PIP4K2B: variants seen among roughly 807,000 people sequenced by gnomAD.
The protein encoded by PIP4K2B is phosphatidylinositol-5-phosphate 4-kinase type 2 beta.
Under a neutral mutation model 42.0 loss-of-function variants are expected in PIP4K2B, and 3 were observed. The ratio of observed to expected loss-of-function variants is 0.07; its 90% confidence interval spans 0.03 to 0.18. PIP4K2B has a LOEUF of 0.18. PIP4K2B is among the 10% of genes least tolerant of loss of function. PIP4K2B has a pLI of 1.00. For synonymous variants in PIP4K2B, 204 were observed against 210.1 expected (o/e 0.97, Z 0.25); for missense variants, 332 against 562.3 (o/e 0.59, Z 4.14).
chr17:38,788,476 A>T (rs1026462405), intron 1 of PIP4K2B, among the ~76,000 whole-genome samples: 4 of 152,154 alleles, frequency 2.6e-5, no homozygotes, highest in African/African-American at 9.6e-5. Flanking sequence ...CTGGGATTAC[A>T]GGCATGAGCC....
In PIP4K2B at chr17:38,767,747, T is replaced by G. The variant is rs940749381; in HGVS notation, c.*1944A>C. On this transcript the variant is annotated 3_prime_UTR_variant, in exon 10 of 10. Coordinates refer to ENST00000619039, the MANE Select transcript of PIP4K2B (RefSeq NM_003559.5). ...GACGAGGAGCAGATCCAAACTTCCA[T>G]TCTTCATTATGACGTGGGGAAATCA... The G allele has an allele frequency of 6.6e-6, 1 of 152,240 alleles. No individual in the cohort carries two copies. Among genetic ancestry groups the G allele is most frequent in the African/African-American group, 2.4e-5 (1 of 41,458 alleles). The allele number at this position is 152,240 out of a possible 1,614,324, so 9.4% of individuals were successfully genotyped here. A position where few individuals can be genotyped will look rare whatever the true frequency, so the allele number is the denominator to read the frequency against.
chr17:38,784,464 G>A (rs1241252300), intron 2 of PIP4K2B, 125 bp from the exon 3 acceptor site: 5 of 576,240 alleles, frequency 8.7e-6, no homozygotes, highest in Middle Eastern at 4.7e-4. Context: ...TTGAACTCCT[G>A]GCTTCAAGCG....
chr17:38,787,760 A>AT (rs1175015354), intron 1 of PIP4K2B, among the ~76,000 whole-genome samples: 1 of 151,162 alleles, frequency 6.6e-6, no homozygotes. Flanking sequence ...TGTCCAGCTA[A>AT]TTTTTTTTTG....
In PIP4K2B at chr17:38,766,923, C is replaced by T. The variant is rs1908735670; in HGVS notation, c.*2768G>A. The T allele has an allele frequency of 6.6e-6, 1 of 152,490 alleles. No individual in the cohort carries two copies. The highest frequency in any genetic ancestry group is 6.5e-5 in the Admixed American group (1 of 15,294). The allele number at this position is 152,490 out of a possible 1,614,324, so 9.4% of individuals were successfully genotyped here. A position where few individuals can be genotyped will look rare whatever the true frequency, so the allele number is the denominator to read the frequency against. ...TGGCTGGGAGACTACAGTGTCTCGG[C>T]TGCGGACTTGTGGAAGAAGAGGGGG... On this transcript the variant is annotated 3_prime_UTR_variant, in exon 10 of 10. Transcript: ENST00000619039.
intron 1 of PIP4K2B, among the ~76,000 whole-genome samples, chr17:38,787,189 C>A (rs932542109): frequency 1.3e-5 from 2 of 152,190 alleles, no homozygotes; most frequent in Non-Finnish European, 2.9e-5. Flanking sequence ...GTGCACATCA[C>A]CACGCCCAGC....
Position 38,769,594 on chromosome 17 carries a change from C to A in PIP4K2B, c.*97G>T. The stretch of plus-strand genomic sequence containing the variant: ...AAGCCCTCCCAAACCCGACTCTGCT[C>A]CCACCCTCCCATCTAGCCCAAATAC... On this transcript the variant is annotated 3_prime_UTR_variant, in exon 10 of 10. Transcript: ENST00000619039. 2.5e-6 allele frequency: 2 copies of A among 784,804 alleles called. No homozygotes were observed. The highest frequency in any genetic ancestry group is 2.3e-6 in the Non-Finnish European group (1 of 428,304). 48.6% of individuals were successfully genotyped at this position (784,804 alleles called of 1,614,324 possible). A position where few individuals can be genotyped will look rare whatever the true frequency, so the allele number is the denominator to read the frequency against.
chr17:38,767,324 A>T lies in PIP4K2B; in HGVS notation c.*2367T>A, dbSNP rs1908755932. ...AAACCAAGATAAATAGCTTTTAAACATTTGAATGCCAAAAATTGGGGGCCA... is the reference window on the plus strand; with the variant it reads ...AAACCAAGATAAATAGCTTTTAAACTTTTGAATGCCAAAAATTGGGGGCCA... On this transcript the variant is annotated 3_prime_UTR_variant, in exon 10 of 10. Transcript: ENST00000619039. The T allele has an allele frequency of 6.6e-6, 1 of 152,192 alleles. No homozygotes were observed. Among genetic ancestry groups the T allele is most frequent in the Non-Finnish European group, 1.5e-5 (1 of 68,042 alleles). The allele number at this position is 152,192 out of a possible 1,614,324, so 9.4% of individuals were successfully genotyped here.
chr17:38,766,092 G>A lies in PIP4K2B; in HGVS notation c.*3599C>T, dbSNP rs906455523. On this transcript the variant is annotated 3_prime_UTR_variant, in exon 10 of 10. Transcript: ENST00000619039. ...TGGGATACTGGCACAAGCTGCCAAG[G>A]GACAGCTGAGTCTCCTTTTCCCCAT... is the stretch of plus-strand genomic sequence containing the variant. The A allele has an allele frequency of 2.6e-5, 4 of 152,466 alleles. No individual in the cohort carries two copies. The highest frequency in any genetic ancestry group is 9.6e-5 in the African/African-American group (4 of 41,464). The allele number at this position is 152,466 out of a possible 1,614,324, so 9.4% of individuals were successfully genotyped here. A position where few individuals can be genotyped will look rare whatever the true frequency, so the allele number is the denominator to read the frequency against.
intron 2 of PIP4K2B, 57 bp from the exon 3 acceptor site, chr17:38,784,396 T>C (rs1726669708): frequency 2.3e-6 from 2 of 865,772 alleles, no homozygotes; most frequent in Non-Finnish European, 3.7e-6. Context: ...CTTAATTCTA[T>C]TATTATTATT....
intron 7 of PIP4K2B, among the ~76,000 whole-genome samples, chr17:38,776,316 G>C (rs755477461): frequency 6.6e-6 from 1 of 152,144 alleles, no homozygotes; most frequent in Non-Finnish European, 1.5e-5. Context: ...AACTTCATAG[G>C]GGCAGAAAAT....
At chr17:38,776,255 C>A (rs1909337076) in intron 7 of PIP4K2B, among the ~76,000 whole-genome samples, 1 of 152,128 alleles carries the variant, frequency 6.6e-6, no homozygotes, top group African/African-American at 2.4e-5. Flanking sequence ...CAGGCATGAG[C>A]CACCTCGCTT....
chr17:38,796,042 G>A lies in PIP4K2B; in HGVS notation c.159+3224C>T, dbSNP rs143241941. Among the ~76,000 whole-genome samples the A allele has an allele frequency of 9.3e-4, 142 of 152,264 alleles. 1 individual carries two copies. Among genetic ancestry groups the A allele is most frequent in the Admixed American group, 3.8e-3 (58 of 15,284 alleles). On this transcript the variant is annotated intron_variant, in intron 1 of 9. Transcript: ENST00000619039. ...AATCCCAGCTACTGAGGAGGCTGAA[G>A]CAGGAGAATTGCTTGAACCCGGGAG...
intron 6 of PIP4K2B, among the ~76,000 whole-genome samples, chr17:38,778,084 G>A (rs1909469264): frequency 6.6e-6 from 1 of 152,196 alleles, no homozygotes; most frequent in African/African-American, 2.4e-5. Context: ...GCTGGACTAT[G>A]AGATAGAAAT....
intron 2 of PIP4K2B, among the ~76,000 whole-genome samples, chr17:38,786,493 G>C (rs188180115): frequency 8.9e-4 from 136 of 152,220 alleles, no homozygotes; most frequent in Admixed American, 3.6e-3. Context: ...ACCAAGATGG[G>C]GCCACTGCTA....
chr17:38,775,213 A>C (rs946744610), intron 7 of PIP4K2B, among the ~76,000 whole-genome samples: 13 of 152,100 alleles, frequency 8.5e-5, no homozygotes, highest in Non-Finnish European at 1.5e-4. Flanking sequence ...TTGGCCTCCC[A>C]AAGTGCTGGG....
chr17:38,799,429 G>A lies in PIP4K2B; in HGVS notation c.-5C>T. On this transcript the variant is annotated 5_prime_UTR_variant, in exon 1 of 10. Coordinates refer to ENST00000619039, the MANE Select transcript of PIP4K2B (RefSeq NM_003559.5). The surrounding 1 kb of genome is among the most constrained non-coding windows in gnomAD (Gnocchi z 4.4). ...GCTGGTGCAGTTGGACGACATGCCCGGGGCGGCGGCGGCGGCGGCGAAAGA... is the reference window on the plus strand; with the variant it reads ...GCTGGTGCAGTTGGACGACATGCCCAGGGCGGCGGCGGCGGCGGCGAAAGA... 2 of 1,579,060 alleles carry A rather than the reference G, an allele frequency of 1.3e-6. No individual in the cohort carries two copies. The highest frequency in any genetic ancestry group is 2.3e-5 in the East Asian group (1 of 43,106).
chr17:38,779,312 G>T, intron 5 of PIP4K2B, 71 bp downstream of exon 5: 2 of 1,441,164 alleles, frequency 1.4e-6, no homozygotes, highest in East Asian at 2.3e-5. Flanking sequence ...TTACATGGAA[G>T]TTGGAGTAGT....
intron 1 of PIP4K2B, among the ~76,000 whole-genome samples, chr17:38,788,405 T>G (rs1326681198): frequency 6.6e-6 from 1 of 151,982 alleles, no homozygotes; most frequent in African/African-American, 2.4e-5. Context: ...TTTCACCATG[T>G]TAGCCTGGAT....
At chr17:38,778,247 G>T in intron 6 of PIP4K2B, 87 bp downstream of exon 6, 1 of 1,186,530 alleles carries the variant, frequency 8.4e-7, no homozygotes, top group Non-Finnish European at 1.3e-6. Flanking sequence ...CTGGGCTAGG[G>T]GCTGGGGTGG....
Sources: allele counts gnomAD v4.1 joint callset (sites outside exome capture counted in the v4.1 genomes callset), GRCh38; gene constraint gnomAD v4.1.1; non-coding constraint Gnocchi (gnomAD v3.1); transcripts MANE v1.5; gene names NCBI Gene and HGNC (gene_info 2026-07-23, HGNC 2026-07-21).